Variants in HEXD observed in about 807,000 individuals in gnomAD.
HEXD encodes N-acetyl-beta-galactosaminidase.
Under a neutral mutation model 54.2 loss-of-function variants are expected in HEXD, and 47 were observed. The observed-to-expected ratio is 0.87, with a 90% CI of 0.69 to 1.11. HEXD has a LOEUF of 1.11. HEXD is among the 50% of genes least tolerant of loss of function. HEXD has a pLI of 0.00. For missense variants in HEXD, 576 were observed against 649.2 expected (o/e 0.89, Z 1.23); for synonymous variants, 293 against 287.6 (o/e 1.02, Z -0.19).
intron 4 of HEXD, among the ~76,000 whole-genome samples, chr17:82,433,091 A>AAAAATATATAT (rs1555617647): frequency 1.5e-4 from 2 of 13,234 alleles, no homozygotes; most frequent in Non-Finnish European, 2.1e-4. Flanking sequence ...AAAAAAAAAA[A>AAAAATATATAT]ATATATATAT....
chr17:82,429,049 C>G (rs1238556112), intron 4 of HEXD, among the ~76,000 whole-genome samples: 1 of 152,094 alleles, frequency 6.6e-6, no homozygotes, highest in South Asian at 2.1e-4. Flanking sequence ...CACCTGAGGT[C>G]AGGAGTTCGA....
intron 6 of HEXD, 51 bp from the exon 7 acceptor site, chr17:82,436,616 T>G: frequency 1.2e-5 from 18 of 1,497,954 alleles, no homozygotes; most frequent in Non-Finnish European, 1.6e-5. Flanking sequence ...TCCGAGGGGC[T>G]GAGAGTGTGG....
intron 9 of HEXD, chr17:82,440,028 C>T (rs752227080): frequency 1.3e-4 from 180 of 1,340,726 alleles, no homozygotes; most frequent in Middle Eastern, 5.9e-4. Context: ...GCTGCACACA[C>T]GTCCTGCCCA....
chr17:82,436,958 C>T, intron 7 of HEXD: 1 of 633,804 alleles, frequency 1.6e-6, no homozygotes. Context: ...TCCTAGTGAG[C>T]AGGTGAACCA....
intron 9 of HEXD, chr17:82,440,318 G>A: frequency 8.0e-7 from 1 of 1,253,372 alleles, no homozygotes; most frequent in East Asian, 5.7e-5. Context: ...GGCGGCCCAG[G>A]GACGGGGACG....
At chr17:82,440,333 C>A in intron 9 of HEXD, 1 of 1,238,220 alleles carries the variant, frequency 8.1e-7, no homozygotes, top group Non-Finnish European at 1.0e-6. Flanking sequence ...GGGACGCGGC[C>A]GGTGAGAGGA....
intron 2 of HEXD, among the ~76,000 whole-genome samples, chr17:82,422,476 G>A (rs1218905571): frequency 3.4e-5 from 5 of 146,276 alleles, no homozygotes; most frequent in East Asian, 2.1e-4. Context: ...CAGCCTGGGC[G>A]ATAGAGCAAG....
At chr17:82,429,552 C>T (rs2053519112) in intron 4 of HEXD, among the ~76,000 whole-genome samples, 1 of 152,130 alleles carries the variant, frequency 6.6e-6, no homozygotes, top group Non-Finnish European at 1.5e-5. Flanking sequence ...CTCTTAGCCT[C>T]CTGCCACGTA....
At chr17:82,436,571 T>C in intron 6 of HEXD, 96 bp from the exon 7 acceptor site, 1 of 966,504 alleles carries the variant, frequency 1.0e-6, no homozygotes, top group South Asian at 1.5e-5. Context: ...AAGGTATCTG[T>C]GCTCACACTT....
At chr17:82,431,263 C>T (rs141200935) in intron 4 of HEXD, among the ~76,000 whole-genome samples, 132 of 152,220 alleles carry the variant, frequency 8.7e-4, no homozygotes, top group African/African-American at 2.9e-3. Flanking sequence ...CTCAGCCTCT[C>T]GGAGCGCTGG....
intron 6 of HEXD, 59 bp from the exon 7 acceptor site, chr17:82,436,608 C>T (rs964945079): frequency 1.2e-5 from 17 of 1,430,600 alleles, no homozygotes; most frequent in Non-Finnish European, 1.4e-5. Flanking sequence ...CAGGTGGGTC[C>T]GAGGGGCTGA....
chr17:82,433,091 A>AAAATATATAT (rs1555617647), intron 4 of HEXD, among the ~76,000 whole-genome samples: 1 of 13,236 alleles, frequency 7.6e-5, no homozygotes, highest in Non-Finnish European at 1.0e-4. Context: ...AAAAAAAAAA[A>AAAATATATAT]ATATATATAT....
At chr17:82,421,112 C>G (rs891189866) in intron 2 of HEXD, among the ~76,000 whole-genome samples, 1 of 152,140 alleles carries the variant, frequency 6.6e-6, no homozygotes, top group Non-Finnish European at 1.5e-5. Flanking sequence ...AAAGGTCTCC[C>G]ATAGCGAGAA....
rs566041198 is a variant in HEXD, at chr17:82,431,712, C to T, written c.283-1946C>T. Among the ~76,000 whole-genome samples the T allele has an allele frequency of 2.6e-5, 4 of 152,240 alleles. No homozygotes were observed. In the South Asian group the frequency reaches 6.2e-4, roughly 24 times the overall value. Reference sequence around the variant, plus strand: ...GACTACAGGCATGAGCCACCATGCCCGGCCTCCTTTCATTCTTACAATATA... The same window carrying T: ...GACTACAGGCATGAGCCACCATGCCTGGCCTCCTTTCATTCTTACAATATA... On this transcript the variant is annotated intron_variant, in intron 4 of 12. Transcript: ENST00000327949.
At position 82,441,255 on chromosome 17, in the gene HEXD, G is replaced by A; in HGVS notation, c.1152G>A (p.Leu384=). ...TGCGCAGCTCTGTGGATGCGCTGCT[G>A]GAGGGCAACAGGTGAGCGTGTGGGT... is the stretch of plus-strand genomic sequence containing the variant. The part of the protein sequence containing the change: ...LHLRSSVDAL[L]EGNRYVTGWF... The change falls in exon 11 of 13, where the codon CTG becomes CTA. Residue 384 remains leucine, a synonymous_variant. Transcript: ENST00000327949. 6.2e-7 allele frequency: 1 copy of A among 1,612,062 alleles called. No homozygotes were observed.
intron 8 of HEXD, among the ~76,000 whole-genome samples, chr17:82,438,917 C>G (rs1438210534): frequency 6.6e-6 from 1 of 152,286 alleles, no homozygotes; most frequent in Non-Finnish European, 1.5e-5. Flanking sequence ...CCTCCTCCCC[C>G]AGAGCAGCGG....
At chr17:82,420,630 C>T (rs2053207910) in intron 2 of HEXD, among the ~76,000 whole-genome samples, 1 of 152,208 alleles carries the variant, frequency 6.6e-6, no homozygotes, top group South Asian at 2.1e-4. Flanking sequence ...TACAATGGCG[C>T]AGTCTCGGCT....
In HEXD at chr17:82,441,068, C is replaced by T; in HGVS notation, c.1054C>T (p.Pro352Ser). 1 of 1,613,596 alleles carries T rather than the reference C, an allele frequency of 6.2e-7. No homozygotes were observed. The highest frequency in any genetic ancestry group is 8.5e-7 in the Non-Finnish European group (1 of 1,179,986). Reference sequence around the variant, plus strand: ...GATTTCCAGCCTGGAAAAAACGGACCCTGTTAGGCAAGCACCCTGCAGCCC... The same window carrying T: ...GATTTCCAGCCTGGAAAAAACGGACTCTGTTAGGCAAGCACCCTGCAGCCC... The part of the protein sequence containing the change: ...LGISSLEKTD[P>S]VREGAGSFPG... The change falls in exon 10 of 13, where the codon CCT (proline) becomes TCT (serine). Residue 352 changes from proline (P) to serine (S), a missense_variant. By Grantham distance (74) the Pro-to-Ser change is moderately conservative (BLOSUM62 -1). Coordinates refer to ENST00000327949, the MANE Select transcript of HEXD (RefSeq NM_001330542.2).
chr17:82,439,683 C>G lies in HEXD; in HGVS notation c.952C>G (p.Leu318Val). 6.3e-6 allele frequency: 10 copies of G among 1,599,138 alleles called. No individual in the cohort carries two copies. Among genetic ancestry groups the G allele is most frequent in the Non-Finnish European group, 8.5e-6 (10 of 1,178,192 alleles). Reference protein sequence around the residue: ...CELLPAGVPSLAACLQLLLRG... With the variant: ...CELLPAGVPSVAACLQLLLRG... ...GCTGCTGCCCGCAGGAGTCCCGTCC[C>G]TGGCCGCCTGCCTGCAGTTGCTTCT... The change falls in exon 9 of 13, where the codon CTG becomes GTG. Residue 318 changes from leucine to valine, a missense_variant. Transcript: ENST00000327949.
Sources: allele counts gnomAD v4.1 joint callset (sites outside exome capture counted in the v4.1 genomes callset), GRCh38; gene constraint gnomAD v4.1.1; transcripts MANE v1.5; gene names NCBI Gene and HGNC (gene_info 2026-07-23, HGNC 2026-07-21).